KLF17: variants seen among roughly 807,000 people sequenced by gnomAD.
KLF17 encodes the protein Krueppel-like factor 17.
A neutral mutation model predicts 34.2 loss-of-function variants in KLF17; 31 were observed. The ratio of observed to expected loss-of-function variants is 0.91; its 90% confidence interval spans 0.68 to 1.22. KLF17 has a LOEUF of 1.22. KLF17 is among the 50% of genes most tolerant of loss of function. The probability of loss-of-function intolerance (pLI) is 0.00; values close to 1 mark genes in which losing one functional copy is unlikely to be tolerated. For synonymous variants in KLF17, 179 were observed against 186.7 expected (o/e 0.96, Z 0.34); for missense variants, 478 against 505.2 (o/e 0.95, Z 0.52).
At chr1:44,099,138 T>C in the KLF17 span, among the ~76,000 whole-genome samples, 1 of 151,886 alleles carries the variant, frequency 6.6e-6, no homozygotes, top group South Asian at 2.1e-4. Flanking sequence ...ACAAGGTGGC[T>C]CATACCTGTA....
At chr1:44,059,017 G>A in the KLF17 span, among the ~76,000 whole-genome samples, 9 of 152,074 alleles carry the variant, frequency 5.9e-5, no homozygotes, top group Non-Finnish European at 1.0e-4. Context: ...GAATGGAAGG[G>A]GCCGTATCAG....
the KLF17 span, chr1:44,087,988 T>C: frequency 4.6e-6 from 1 of 215,444 alleles, no homozygotes; most frequent in Non-Finnish European, 9.9e-6. Flanking sequence ...AAGACCACCA[T>C]CAAACAGAAG....
the KLF17 span, among the ~76,000 whole-genome samples, chr1:44,113,468 G>C: frequency 6.6e-6 from 1 of 152,184 alleles, no homozygotes; most frequent in Non-Finnish European, 1.5e-5. Context: ...TCAGTTCTCT[G>C]TACTAAGATA....
At chr1:44,128,075 G>T (rs1247380641) in intron 1 of KLF17, among the ~76,000 whole-genome samples, 1 of 151,824 alleles carries the variant, frequency 6.6e-6, no homozygotes, top group African/African-American at 2.4e-5. Context: ...CTACAGTAAT[G>T]GACTTTTTTG....
At chr1:44,102,565 TACACACACACACACACAC>T in the KLF17 span, among the ~76,000 whole-genome samples, 23 of 89,346 alleles carry the variant, frequency 2.6e-4, no homozygotes, top group African/African-American at 4.7e-4. Context: ...CACATACACA[TACACACACACACACACAC>T]ACACACACAC....
the KLF17 span, among the ~76,000 whole-genome samples, chr1:44,073,354 C>T: frequency 1.3e-5 from 2 of 151,744 alleles, no homozygotes; most frequent in Non-Finnish European, 2.9e-5. Flanking sequence ...CTTCAGGTGC[C>T]TGCCATCACA....
the KLF17 span, among the ~76,000 whole-genome samples, chr1:44,058,569 G>A: frequency 2.0e-5 from 3 of 151,262 alleles, no homozygotes; most frequent in Non-Finnish European, 4.4e-5. Context: ...GATTACAGGC[G>A]TGAGCCACCG....
At chr1:44,127,346 A>G (rs1380039757) in intron 1 of KLF17, among the ~76,000 whole-genome samples, 4 of 152,122 alleles carry the variant, frequency 2.6e-5, no homozygotes, top group Non-Finnish European at 5.9e-5. Flanking sequence ...CAAGAAATAG[A>G]AGCCCGTCCA....
chr1:44,099,884 A>AGAAAGAAAGAAAGAAG, the KLF17 span, among the ~76,000 whole-genome samples: 1 of 65,384 alleles, frequency 1.5e-5, no homozygotes, highest in South Asian at 6.1e-4. Flanking sequence ...AAAGAAAGAA[A>AGAAAGAAAGAAAGAAG]GAAAGAAAGA....
intron 1 of KLF17, among the ~76,000 whole-genome samples, chr1:44,123,149 C>G (rs2087968222): frequency 6.6e-6 from 1 of 152,064 alleles, no homozygotes; most frequent in Admixed American, 6.6e-5. Context: ...CAAAATGAAC[C>G]ATGATTGATC....
the KLF17 span, among the ~76,000 whole-genome samples, chr1:44,054,714 C>T: frequency 2.0e-5 from 3 of 151,014 alleles, no homozygotes; most frequent in African/African-American, 7.3e-5. Context: ...GTCTCCTGAC[C>T]TCATGATCCA....
rs572748957 is a variant in KLF17, at chr1:44,130,745, G to C, written c.1159G>C (p.Ala387Pro). The C allele has an allele frequency of 2.5e-6, 4 of 1,613,818 alleles. No homozygotes were observed. The highest frequency in any genetic ancestry group is 1.3e-5 in the African/African-American group (1 of 74,892). The stretch of plus-strand genomic sequence containing the variant: ...TGGAGAGCAGGACAGTCCTCCTGCT[G>C]CTGGTCCTTAGGTCAGTCTCCTCTC... The part of the protein sequence containing the change: ...NNGEQDSPPA[A>P]GP Residue 387 changes from alanine to proline, a missense_variant, in exon 3 of 4, where the codon GCT becomes CCT. Transcript: ENST00000372299.
At chr1:44,108,031 G>A in the KLF17 span, among the ~76,000 whole-genome samples, 4 of 152,194 alleles carry the variant, frequency 2.6e-5, no homozygotes, top group Non-Finnish European at 4.4e-5. Context: ...ACAGAGAAGG[G>A]AAATGTGACA....
At chr1:44,070,873 G>T in the KLF17 span, among the ~76,000 whole-genome samples, 1 of 151,870 alleles carries the variant, frequency 6.6e-6, no homozygotes, top group Non-Finnish European at 1.5e-5. Flanking sequence ...TAAGTTAACT[G>T]CAATTAAAAT....
the KLF17 span, among the ~76,000 whole-genome samples, chr1:44,064,288 ATAAT>A: frequency 2.0e-5 from 3 of 152,242 alleles, no homozygotes; most frequent in Non-Finnish European, 2.9e-5. Flanking sequence ...GCTTATTATA[ATAAT>A]TAATACAGAA....
chr1:44,101,150 C>T, the KLF17 span, among the ~76,000 whole-genome samples: 1 of 152,308 alleles, frequency 6.6e-6, no homozygotes, highest in South Asian at 2.1e-4. Context: ...TCAGATTCCT[C>T]AGATGTTAAC....
At chr1:44,110,170 G>A in the KLF17 span, among the ~76,000 whole-genome samples, 1 of 152,174 alleles carries the variant, frequency 6.6e-6, no homozygotes, top group African/African-American at 2.4e-5. Context: ...GCCTCCCAAA[G>A]TGCTGGGATT....
chr1:44,086,351 G>A, the KLF17 span, among the ~76,000 whole-genome samples: 28 of 152,074 alleles, frequency 1.8e-4, no homozygotes, highest in East Asian at 7.7e-4. Flanking sequence ...CTGTAATCCC[G>A]GCTACTCGGG....
At chr1:44,082,095 G>T in the KLF17 span, among the ~76,000 whole-genome samples, 97 of 152,234 alleles carry the variant, frequency 6.4e-4, no homozygotes, top group Non-Finnish European at 1.0e-3. Context: ...TTTGCTTAGG[G>T]GAGAGACTAG....
Sources: allele counts gnomAD v4.1 joint callset (sites outside exome capture counted in the v4.1 genomes callset), GRCh38; gene constraint gnomAD v4.1.1; transcripts MANE v1.5; gene names NCBI Gene and HGNC (gene_info 2026-07-23, HGNC 2026-07-21).